ADGRA2: variants seen among roughly 807,000 people sequenced by gnomAD.
ADGRA2 encodes the protein G-protein coupled receptor 124.
A neutral mutation model predicts 98.7 loss-of-function variants in ADGRA2; 61 were observed. The ratio of observed to expected loss-of-function variants is 0.62; its 90% CI spans 0.50 to 0.76. ADGRA2 has a LOEUF of 0.76. ADGRA2 is among the 30% of genes least tolerant of loss of function. The probability of loss-of-function intolerance (pLI) is 0.00; values close to 1 mark genes in which losing one functional copy is unlikely to be tolerated. For missense variants in ADGRA2, 1,712 were observed against 1,860.0 expected, an observed-to-expected ratio of 0.92 and a Z score of 1.46; for synonymous variants, 858 against 831.5, an observed-to-expected ratio of 1.03 and a Z score of -0.55.
chr8:37,837,035 T>C (rs1805633874), intron 13 of ADGRA2, among the ~76,000 whole-genome samples: 1 of 152,030 alleles, frequency 6.6e-6, no homozygotes, highest in Admixed American at 6.5e-5. Context: ...GGACAAGTCG[T>C]TGTAAGTGCA....
rs2130032088 is a variant in ADGRA2 at position 37,835,070 on chromosome 8, G to C, written c.1609-104G>C. The C allele has an allele frequency of 8.0e-6, 6 of 749,868 alleles. No individual in the cohort carries two copies. In the South Asian group the frequency reaches 8.4e-5, roughly 11 times the overall value. The allele number at this position is 749,868 out of a possible 1,614,324, so 46.5% of individuals were successfully genotyped here. A position where few individuals can be genotyped will look rare whatever the true frequency, so the allele number is the denominator to read the frequency against. On this transcript the variant is annotated intron_variant, in intron 11 of 18. Transcript: ENST00000412232. ...GGTGGCTTTGAAAAAACTGAGGATT[G>C]AAGGGGAGGACTACAGCCTGAGCAG...
At chr8:37,829,217 GC>G in intron 3 of ADGRA2, 43 bp from the exon 4 acceptor site, 1 of 1,468,862 alleles carries the variant, frequency 6.8e-7, no homozygotes, top group Non-Finnish European at 9.5e-7. Context: ...GGACCCACGT[GC>G]TGCCACGTGG....
At chr8:37,829,429 C>A in intron 4 of ADGRA2, 59 bp from the exon 5 acceptor site, 2 of 1,540,542 alleles carry the variant, frequency 1.3e-6, no homozygotes, top group Non-Finnish European at 1.8e-6. Context: ...CACCTGCTCT[C>A]CTCCGCCGGC....
Position 37,842,059 on chromosome 8 carries a change from G to C in ADGRA2, c.3721G>C (p.Gly1241Arg). ...LGSSRNSPGA[G>R]LQLEGEPMLT... ...CAGCAGCCGCAACAGCCCGGGCGCCGGCCTGCAGCTGGAAGGCGAGCCCAT... is the reference window on the plus strand; with the variant it reads ...CAGCAGCCGCAACAGCCCGGGCGCCCGCCTGCAGCTGGAAGGCGAGCCCAT... Residue 1241 changes from glycine to arginine, a missense_variant, in exon 19 of 19, where the codon GGC (glycine) becomes CGC (arginine). Physicochemically the swap from Gly to Arg is moderately radical, Grantham distance 125 (BLOSUM62 -2). Transcript: ENST00000412232. The C allele has an allele frequency of 1.3e-6, 2 of 1,517,062 alleles. No individual in the cohort carries two copies. The highest frequency in any genetic ancestry group is 1.4e-5 in the African/African-American group (1 of 70,022). 94.0% of individuals were successfully genotyped at this position (1,517,062 alleles called of 1,614,324 possible).
At chr8:37,807,092 A>G (rs1459234370) in intron 1 of ADGRA2, among the ~76,000 whole-genome samples, 1 of 152,186 alleles carries the variant, frequency 6.6e-6, no homozygotes, top group African/African-American at 2.4e-5. Context: ...GTTCAGGGGC[A>G]GTCTCAGGAC....
Position 37,835,415 on chromosome 8 carries a change from G to A in ADGRA2, c.1833+17G>A, listed in dbSNP as rs548341470. Reference sequence around the variant, plus strand: ...CACATCAAGGTGGGCGCTGGGGGAGGGAGAGGGGGTGGGAGAAGGGAGGCA... The same window carrying A: ...CACATCAAGGTGGGCGCTGGGGGAGAGAGAGGGGGTGGGAGAAGGGAGGCA... On this transcript the variant is annotated intron_variant, in intron 12 of 18. Transcript: ENST00000412232. 1.9e-6 allele frequency: 3 copies of A among 1,599,940 alleles called. No individual in the cohort carries two copies. The highest frequency in any genetic ancestry group is 2.6e-6 in the Non-Finnish European group (3 of 1,172,614).
chr8:37,840,970 G>C lies in ADGRA2; in HGVS notation c.2748-116G>C. 4.9e-6 allele frequency: 6 copies of C among 1,234,884 alleles called. No individual in the cohort carries two copies. In the South Asian group the frequency reaches 8.1e-5, roughly 17 times the overall value. 76.5% of individuals were successfully genotyped at this position (1,234,884 alleles called of 1,614,324 possible). ...AACCCAACCCAAGCCCATGCATGCT[G>C]ACCAAGCCGTCCTTGTCTCCGTACT... On this transcript the variant is annotated intron_variant, in intron 18 of 18. Transcript: ENST00000412232.
At chr8:37,801,832 T>C (rs77503451) in intron 1 of ADGRA2, among the ~76,000 whole-genome samples, 2,705 of 152,334 alleles carry the variant, frequency 0.018, 80 homozygotes, top group African/African-American at 0.062. Context: ...CTCACCTGGC[T>C]GAACTTGGGA....
chr8:37,823,038 C>T (rs866717949), intron 2 of ADGRA2, among the ~76,000 whole-genome samples: 5 of 151,570 alleles, frequency 3.3e-5, no homozygotes, highest in Admixed American at 6.6e-5. Flanking sequence ...ATTACAGGCG[C>T]GCACTACCAC....
At position 37,841,387 on chromosome 8, in the gene ADGRA2, G is replaced by A; in HGVS notation, c.3049G>A (p.Val1017Ile). The A allele has an allele frequency of 6.2e-7, 1 of 1,611,698 alleles. No homozygotes were observed. Among genetic ancestry groups the A allele is most frequent in the South Asian group, 1.1e-5 (1 of 90,794 alleles). Residue 1017 changes from valine (V) to isoleucine (I), a missense_variant, in exon 19 of 19, where the codon GTC (valine) becomes ATC (isoleucine). Val to Ile is a conservative substitution (Grantham distance 29, BLOSUM62 3). Coordinates refer to ENST00000412232, the MANE Select transcript of ADGRA2 (RefSeq NM_032777.10). This position sits in a 1 kb window ranked among gnomAD's most constrained non-coding sequence, Gnocchi z 5.0. ...TGGTGACAGCCTCTATTCTCCGGGA[G>A]TCCAGCTAGGGGCGCTGGTGACCAC... ...EDGDSLYSPG[V>I]QLGALVTTHF...
chr8:37,833,243 T>C, intron 9 of ADGRA2, 35 bp downstream of exon 9: 4 of 1,520,362 alleles, frequency 2.6e-6, no homozygotes, highest in Non-Finnish European at 3.6e-6. Flanking sequence ...CCAGCTCTGC[T>C]TCGGGGGCAC....
Position 37,834,242 on chromosome 8 carries a change from C to T in ADGRA2, c.1608+114C>T, listed in dbSNP as rs1214254659. 1 of 1,019,902 alleles carries T rather than the reference C, an allele frequency of 9.8e-7. No homozygotes were observed. Among genetic ancestry groups the T allele is most frequent in the Non-Finnish European group, 1.4e-6 (1 of 709,696 alleles). The allele number at this position is 1,019,902 out of a possible 1,614,324, so 63.2% of individuals were successfully genotyped here. Reference sequence around the variant, plus strand: ...CAAGAGCAGCAGACGTGACAAAGTTCTGAGCCATGGGGTTCACTTCCAAGT... The same window carrying T: ...CAAGAGCAGCAGACGTGACAAAGTTTTGAGCCATGGGGTTCACTTCCAAGT... On this transcript the variant is annotated intron_variant, in intron 11 of 18. Coordinates refer to ENST00000412232, the MANE Select transcript of ADGRA2 (RefSeq NM_032777.10). The surrounding 1 kb of genome is among the most constrained non-coding windows in gnomAD (Gnocchi z 4.2).
Position 37,834,207 on chromosome 8 carries a change from C to A in ADGRA2, c.1608+79C>A. 1 of 1,303,032 alleles carries A rather than the reference C, an allele frequency of 7.7e-7. No individual in the cohort carries two copies. The highest frequency in any genetic ancestry group is 1.1e-6 in the Non-Finnish European group (1 of 949,436). 80.7% of individuals were successfully genotyped at this position (1,303,032 alleles called of 1,614,324 possible). A position where few individuals can be genotyped will look rare whatever the true frequency, so the allele number is the denominator to read the frequency against. On this transcript the variant is annotated intron_variant, in intron 11 of 18. Transcript: ENST00000412232. This position sits in a 1 kb window ranked among gnomAD's most constrained non-coding sequence, Gnocchi z 4.2. ...CCCTCTCAGGCGTGCACCTGCCGTG[C>A]CCCAGCTAGCAAGAGCAGCAGACGT... is the stretch of plus-strand genomic sequence containing the variant.
In ADGRA2 at chr8:37,840,359, T is replaced by A. The variant is rs145031713; in HGVS notation, c.2657+93T>A. 1.8e-4 allele frequency: 249 copies of A among 1,348,612 alleles called. 1 individual carries two copies. In the African/African-American group the frequency reaches 3.3e-3, roughly 18 times the overall value. 83.5% of individuals were successfully genotyped at this position (1,348,612 alleles called of 1,614,324 possible). ...AGGTGGGTGAAGGGTGAGTCTAAGGTCCCTGGGAGATCACTCTCCAAAGAC... is the reference window on the plus strand; with the variant it reads ...AGGTGGGTGAAGGGTGAGTCTAAGGACCCTGGGAGATCACTCTCCAAAGAC... On this transcript the variant is annotated intron_variant, in intron 17 of 18. Transcript: ENST00000412232.
At chr8:37,829,195 T>A in intron 3 of ADGRA2, 66 bp from the exon 4 acceptor site, 1 of 1,207,634 alleles carries the variant, frequency 8.3e-7, no homozygotes, top group Non-Finnish European at 1.2e-6. Flanking sequence ...CACCCATGTG[T>A]TCCTCACAAG....
At chr8:37,829,006 A>T (rs1342814507) in intron 3 of ADGRA2, 47 bp downstream of exon 3, 1 of 1,046,852 alleles carries the variant, frequency 9.6e-7, no homozygotes, top group East Asian at 4.4e-5. Context: ...CTCCCGAGGG[A>T]GAAAGTCACC....
rs764568155 is a variant in ADGRA2 at position 37,840,235 on chromosome 8, C to T, written c.2626C>T (p.Pro876Ser). The T allele has an allele frequency of 6.2e-7, 1 of 1,612,872 alleles. No individual in the cohort carries two copies. Among genetic ancestry groups the T allele is most frequent in the South Asian group, 1.1e-5 (1 of 91,086 alleles). The change falls in exon 17 of 19, where the codon CCC (proline) becomes TCC (serine). Residue 876 changes from proline (P) to serine (S), a missense_variant. Pro to Ser is a moderately conservative substitution (Grantham distance 74, BLOSUM62 -1). Transcript: ENST00000412232. ...GGCACCCCCTCCGCAAGAAGGGGACCCCGCTCTGCCTACTCCCAGTCCTAT... is the reference window on the plus strand; with the variant it reads ...GGCACCCCCTCCGCAAGAAGGGGACTCCGCTCTGCCTACTCCCAGTCCTAT... Reference protein sequence around the residue: ...WRAPPPQEGDPALPTPSPMLR... With the variant: ...WRAPPPQEGDSALPTPSPMLR...
chr8:37,817,941 C>T (rs1007570625), intron 2 of ADGRA2, among the ~76,000 whole-genome samples: 4 of 152,120 alleles, frequency 2.6e-5, no homozygotes, highest in African/African-American at 7.2e-5. Flanking sequence ...TTGCTTGAAC[C>T]CGGGAGGCAT....
At position 37,828,101 on chromosome 8, in the gene ADGRA2, C is replaced by T. The variant is rs2129998604; in HGVS notation, c.339-787C>T. On this transcript the variant is annotated intron_variant, in intron 2 of 18. Coordinates refer to ENST00000412232, the MANE Select transcript of ADGRA2 (RefSeq NM_032777.10). ...AGGTTACAATGAGCCATGATCACAC[C>T]ACTGCACTCCAGCCTGGATGACAGA... Among the ~76,000 whole-genome samples the T allele has an allele frequency of 1.3e-5, 2 of 152,190 alleles. 1 individual carries two copies. The highest frequency in any genetic ancestry group is 4.2e-4 in the South Asian group (2 of 4,818).
Sources: gnomAD v4.1 joint callset for allele counts (sites outside exome capture counted in the v4.1 genomes callset) on GRCh38, gnomAD v4.1.1 for gene constraint, Gnocchi (gnomAD v3.1) non-coding constraint, MANE v1.5 for transcripts, NCBI Gene and HGNC (gene_info 2026-07-23, HGNC 2026-07-21) for gene names.